The following C3orf22 variants were observed in gnomAD, a reference collection of about 807,000 sequenced individuals.
The protein encoded by C3orf22 is chromosome 3 open reading frame 22, also known as uncharacterized protein C3orf22.
A neutral mutation model predicts 10.8 loss-of-function variants in C3orf22; 7 were observed. That is an observed-to-expected ratio of 0.65 (90% CI 0.37 to 1.22). The LOEUF (loss-of-function observed/expected upper bound fraction) is 1.22. Among genes scored for constraint, C3orf22 ranks in the 50% most tolerant of loss-of-function variants. The probability of loss-of-function intolerance (pLI) is 0.02; values close to 1 mark genes in which losing one functional copy is unlikely to be tolerated. For synonymous variants in C3orf22, 79 were observed against 78.9 expected (o/e 1.00, Z 0.00); for missense variants, 173 against 177.0 (o/e 0.98, Z 0.13).
exon 5 of C3orf22, chr3:126,529,181 G>C (rs2107562560): frequency 9.4e-6 from 6 of 635,338 alleles, no homozygotes; most frequent in South Asian, 9.0e-5. Context: ...GTGCAGAGGA[G>C]GATGGTCGTG....
In C3orf22 at chr3:126,549,695, G is replaced by T. The variant is rs1937135652; in HGVS notation, c.*173C>A. 1 of 1,526,060 alleles carries T rather than the reference G, an allele frequency of 6.6e-7. No individual in the cohort carries two copies. The highest frequency in any genetic ancestry group is 2.0e-5 in the Admixed American group (1 of 50,552). 94.5% of individuals were successfully genotyped at this position (1,526,060 alleles called of 1,614,324 possible). ...AAGTGATCATTCCAGCTGGAAGTGG[G>T]GTGGGAACTCGCAGTTTATTAGCTT... On this transcript the variant is annotated 3_prime_UTR_variant, in exon 4 of 4. Coordinates refer to ENST00000318225, the MANE Select transcript of C3orf22 (RefSeq NM_152533.3).
chr3:126,551,371 G>A (rs555238230), intron 3 of C3orf22, among the ~76,000 whole-genome samples: 1 of 152,348 alleles, frequency 6.6e-6, no homozygotes, highest in Non-Finnish European at 1.5e-5. Context: ...CCACACAGCT[G>A]TTCCCCGTGC....
At chr3:126,551,221 A>G (rs1340386601) in intron 3 of C3orf22, among the ~76,000 whole-genome samples, 1 of 151,836 alleles carries the variant, frequency 6.6e-6, no homozygotes, top group Non-Finnish European at 1.5e-5. Flanking sequence ...TATATCAAAC[A>G]ATGGGCATGG....
intron 4 of C3orf22, among the ~76,000 whole-genome samples, chr3:126,543,903 A>T (rs546236945): frequency 6.6e-6 from 1 of 152,250 alleles, no homozygotes; most frequent in Admixed American, 6.5e-5. Context: ...TGGTTTCCCC[A>T]TGAGGCCTCC....
chr3:126,545,157 T>G (rs1334320151), downstream of C3orf22, among the ~76,000 whole-genome samples: 1 of 152,258 alleles, frequency 6.6e-6, no homozygotes, highest in East Asian at 1.9e-4. Context: ...ATTCTCCATC[T>G]GGCACCTCCT....
At chr3:126,528,762 A>G (rs1936586273) in intron 5 of C3orf22, among the ~76,000 whole-genome samples, 1 of 152,158 alleles carries the variant, frequency 6.6e-6, no homozygotes, top group African/African-American at 2.4e-5. Flanking sequence ...TTTGAACTAA[A>G]TACACGTGGA....
chr3:126,542,533 C>T, intron 4 of C3orf22: 2 of 1,535,876 alleles, frequency 1.3e-6, no homozygotes. Flanking sequence ...AGATGGACTT[C>T]CTGCTTTTCA....
chr3:126,545,931 C>T (rs1937060605), downstream of C3orf22, among the ~76,000 whole-genome samples: 1 of 152,316 alleles, frequency 6.6e-6, no homozygotes, highest in East Asian at 1.9e-4. Context: ...GGGCCTGGCC[C>T]TTTTCCATGA....
downstream of C3orf22, chr3:126,549,511 C>T (rs753632556): frequency 1.4e-4 from 81 of 591,960 alleles, 6 homozygotes; most frequent in South Asian, 1.2e-3. Flanking sequence ...TTTCCAGCAG[C>T]ACTGGAGTGA....
intron 4 of C3orf22, chr3:126,542,388 G>T: frequency 1.3e-6 from 2 of 1,556,412 alleles, no homozygotes; most frequent in South Asian, 1.2e-5. Context: ...TTCGTGCTGG[G>T]CCTGGCGGGC....
At chr3:126,538,939 TCTC>T (rs1184449042) in intron 4 of C3orf22, among the ~76,000 whole-genome samples, 1 of 152,036 alleles carries the variant, frequency 6.6e-6, no homozygotes, top group Non-Finnish European at 1.5e-5. Flanking sequence ...GAAGAGTAGG[TCTC>T]CTTGTCCAGC....
chr3:126,549,270 C>G (rs1014451217), downstream of C3orf22, among the ~76,000 whole-genome samples: 101 of 147,192 alleles, frequency 6.9e-4, no homozygotes, highest in Non-Finnish European at 2.5e-4. Context: ...CCCACACACA[C>G]ACATACACAC....
At chr3:126,527,500 G>T (rs1261898362) in exon 6 of C3orf22, 1 of 152,286 alleles carries the variant, frequency 6.6e-6, no homozygotes, top group Non-Finnish European at 1.5e-5. Context: ...ACTGATTCCA[G>T]CCAAAGTCCC....
intron 3 of C3orf22, among the ~76,000 whole-genome samples, chr3:126,551,247 C>A (rs903131678): frequency 6.9e-6 from 1 of 144,402 alleles, no homozygotes. Flanking sequence ...TCAACACAGA[C>A]CCCCCCCTGC....
rs116695905 is a variant in C3orf22 at position 126,552,934 on chromosome 3, G to A, written c.89+368C>T. ...TGGCCCAGGCCCCCTCGGGCTGCCC[G>A]TTATCCTGGCTAGTTGCGAGTCCCA... is the stretch of plus-strand genomic sequence containing the variant. On this transcript the variant is annotated intron_variant, in intron 2 of 3. Coordinates refer to ENST00000318225, the MANE Select transcript of C3orf22 (RefSeq NM_152533.3). Among the ~76,000 whole-genome samples, 1,225 of 152,368 alleles carry A rather than the reference G, an allele frequency of 8.0e-3. 17 individuals are homozygous for A. The highest frequency in any genetic ancestry group is 0.028 in the African/African-American group (1,145 of 41,588).
chr3:126,553,364 A>G lies in C3orf22; in HGVS notation c.27T>C (p.Ser9=). 6.2e-7 allele frequency: 1 copy of G among 1,613,630 alleles called. No homozygotes were observed. Among genetic ancestry groups the G allele is most frequent in the Non-Finnish European group, 8.5e-7 (1 of 1,179,790 alleles). Reference sequence around the variant, plus strand: ...GGATCCTCCACTTCTTACTCTGGTGAGACTTCTTGCAGGCACTGGAGTCCA... The same window carrying G: ...GGATCCTCCACTTCTTACTCTGGTGGGACTTCTTGCAGGCACTGGAGTCCA... MDSSACKK[S]HQSKKWRIQA... Residue 9 remains serine, a synonymous_variant, in exon 2 of 4, where the codon TCT becomes TCC. Transcript: ENST00000318225.
intron 1 of C3orf22, among the ~76,000 whole-genome samples, chr3:126,556,938 TCA>T (rs1329204220): frequency 7.1e-6 from 1 of 140,074 alleles, no homozygotes; most frequent in Non-Finnish European, 1.5e-5. Context: ...ACATACACAC[TCA>T]CACACTCATA....
At chr3:126,542,672 A>C in intron 4 of C3orf22, 1 of 1,371,936 alleles carries the variant, frequency 7.3e-7, no homozygotes, top group Non-Finnish European at 9.4e-7. Context: ...ACCCCTCTTC[A>C]AGAGCCACTG....
chr3:126,536,204 G>T (rs973563441), intron 4 of C3orf22: 4 of 1,434,512 alleles, frequency 2.8e-6, no homozygotes, highest in Non-Finnish European at 3.9e-6. Context: ...AGATGGGTTG[G>T]CCAAACCCCC....
Sources: allele counts gnomAD v4.1 joint callset (sites outside exome capture counted in the v4.1 genomes callset), GRCh38; gene constraint gnomAD v4.1.1; transcripts MANE v1.5; gene names NCBI Gene and HGNC (gene_info 2026-07-23, HGNC 2026-07-21).